The following ARHGAP6 variants were observed in gnomAD, a reference collection of about 807,000 sequenced individuals.
ARHGAP6 encodes Rho GTPase activating protein 6.
In ARHGAP6, 16 loss-of-function variants were observed where a neutral mutation model predicts 55.7. The observed-to-expected ratio is 0.29, with a 90% CI of 0.19 to 0.44. ARHGAP6 has a LOEUF of 0.44. ARHGAP6 is among the 20% of genes least tolerant of loss of function. The pLI is 1.00. For synonymous variants in ARHGAP6, 382 were observed against 360.9 expected (o/e 1.06, Z -0.66); for missense variants, 698 against 808.9 (o/e 0.86, Z 1.66).
At chrX:11,568,582 C>A (rs1053770350) in intron 1 of ARHGAP6, among the ~76,000 whole-genome samples, 3 of 110,930 alleles carry the variant, frequency 2.7e-5, no homozygotes, top group Admixed American at 9.6e-5. Context: ...CATGGCAAAA[C>A]CCTGTCTCTA....
intron 1 of ARHGAP6, among the ~76,000 whole-genome samples, chrX:11,520,369 T>C (rs1192528038): frequency 9.7e-6 from 1 of 103,347 alleles, no homozygotes; most frequent in Non-Finnish European, 2.0e-5. Flanking sequence ...TGTCCAAGTG[T>C]TCTCATTGTT....
intron 1 of ARHGAP6, among the ~76,000 whole-genome samples, chrX:11,340,008 C>G (rs753296350): frequency 4.5e-5 from 5 of 111,693 alleles, no homozygotes; most frequent in Non-Finnish European, 7.5e-5. Flanking sequence ...TATTTCAAAT[C>G]CATCCCTTCT....
intron 1 of ARHGAP6, among the ~76,000 whole-genome samples, chrX:11,599,355 T>C (rs2051942764): frequency 1.8e-5 from 2 of 111,951 alleles, no homozygotes; most frequent in African/African-American, 6.5e-5. Context: ...TAGACATTTA[T>C]GGGGCACAAT....
At chrX:11,507,779 T>G (rs1317085861) in intron 1 of ARHGAP6, among the ~76,000 whole-genome samples, 1 of 111,874 alleles carries the variant, frequency 8.9e-6, no homozygotes, top group African/African-American at 3.3e-5. Flanking sequence ...TCCCCCACTT[T>G]GCCCCCAGCT....
chrX:11,390,479 A>G (rs1247072708), intron 1 of ARHGAP6, among the ~76,000 whole-genome samples: 22 of 111,399 alleles, frequency 2.0e-4, no homozygotes, highest in African/African-American at 7.2e-4. Flanking sequence ...TAATTAAACT[A>G]AAGAGCTTCT....
intron 1 of ARHGAP6, among the ~76,000 whole-genome samples, chrX:11,624,578 CTTTTTTTT>C (rs1270810826): frequency 2.7e-5 from 3 of 111,909 alleles, no homozygotes; most frequent in Non-Finnish European, 5.7e-5. Flanking sequence ...TTCTTTTTTT[CTTTTTTTT>C]GAGACGGAGT....
intron 2 of ARHGAP6, among the ~76,000 whole-genome samples, chrX:11,236,295 C>T (rs1419004559): frequency 4.5e-5 from 5 of 111,445 alleles, no homozygotes; most frequent in South Asian, 3.8e-4. Context: ...AGCTCGTGTG[C>T]GAACTCACTA....
chrX:11,274,590 A>G (rs1394530228), intron 1 of ARHGAP6, among the ~76,000 whole-genome samples: 1 of 111,931 alleles, frequency 8.9e-6, no homozygotes, highest in African/African-American at 3.2e-5. Context: ...ACTATTTCAA[A>G]CAGCAAAGGA....
intron 1 of ARHGAP6, among the ~76,000 whole-genome samples, chrX:11,660,101 C>T (rs754219386): frequency 8.9e-6 from 1 of 111,835 alleles, no homozygotes; most frequent in Non-Finnish European, 1.9e-5. Flanking sequence ...CTGTTGAACA[C>T]TATTATCCTG....
intron 1 of ARHGAP6, among the ~76,000 whole-genome samples, chrX:11,399,979 C>T (rs1301486464): frequency 9.0e-6 from 1 of 111,520 alleles, no homozygotes; most frequent in Non-Finnish European, 1.9e-5. Context: ...TACAAAAGGC[C>T]ATATATTATA....
chrX:11,491,221 TTTATTA>T (rs1037533261), intron 1 of ARHGAP6, among the ~76,000 whole-genome samples: 1 of 112,107 alleles, frequency 8.9e-6, no homozygotes, highest in African/African-American at 3.2e-5. Context: ...TTTATTTTAT[TTTATTA>T]TTATTATACT....
At chrX:11,386,493 C>T (rs770882736) in intron 1 of ARHGAP6, among the ~76,000 whole-genome samples, 1 of 111,252 alleles carries the variant, frequency 9.0e-6, no homozygotes, top group Non-Finnish European at 1.9e-5. Flanking sequence ...CTAGACGTGA[C>T]GAGATGCCTG....
chrX:11,354,327 C>CTCTCTCTCTATATA (rs1343744315), intron 1 of ARHGAP6, among the ~76,000 whole-genome samples: 1 of 32,350 alleles, frequency 3.1e-5, no homozygotes, highest in Non-Finnish European at 5.2e-5. Context: ...CTCTCTCTCT[C>CTCTCTCTCTATATA]TATATATATA....
chrX:11,535,166 T>C (rs984695717), intron 1 of ARHGAP6, among the ~76,000 whole-genome samples: 1 of 111,835 alleles, frequency 8.9e-6, no homozygotes, highest in Non-Finnish European at 1.9e-5. Flanking sequence ...CCATGGCCAC[T>C]GCTACCTTTG....
intron 8 of ARHGAP6, among the ~76,000 whole-genome samples, chrX:11,177,167 C>G (rs1376669532): frequency 9.0e-6 from 1 of 111,118 alleles, no homozygotes; most frequent in Non-Finnish European, 1.9e-5. Context: ...AATCCGAGGT[C>G]AGGGAGAGGT....
At chrX:11,304,579 C>A (rs1478735210) in intron 1 of ARHGAP6, among the ~76,000 whole-genome samples, 2 of 109,281 alleles carry the variant, frequency 1.8e-5, no homozygotes, top group Non-Finnish European at 3.8e-5. Flanking sequence ...CAACACCAGG[C>A]AAGTGTCATG....
chrX:11,153,569 G>T (rs1194460117), intron 10 of ARHGAP6, among the ~76,000 whole-genome samples: 1 of 106,071 alleles, frequency 9.4e-6, no homozygotes, highest in Admixed American at 1.0e-4. Context: ...AGCTAGAGGG[G>T]TAGCACTCTG....
At chrX:11,391,834 T>C (rs1166000548) in intron 1 of ARHGAP6, among the ~76,000 whole-genome samples, 2 of 111,982 alleles carry the variant, frequency 1.8e-5, no homozygotes, top group African/African-American at 3.2e-5. Context: ...CAGATTCTAA[T>C]TGAGTGGGTC....
chrX:11,341,911 A>G (rs1487266880), intron 1 of ARHGAP6, among the ~76,000 whole-genome samples: 2 of 111,454 alleles, frequency 1.8e-5, no homozygotes, highest in Non-Finnish European at 3.8e-5. Context: ...TGCATTCCCT[A>G]AAGTAAGCAC....
Sources: allele counts gnomAD v4.1 joint callset (sites outside exome capture counted in the v4.1 genomes callset), GRCh38; gene constraint gnomAD v4.1.1; transcripts MANE v1.5; gene names NCBI Gene and HGNC (gene_info 2026-07-23, HGNC 2026-07-21).